The following DLGAP4 variants were observed in gnomAD, a reference collection of about 807,000 sequenced individuals.
DLGAP4 encodes the protein DLG associated protein 4, also known as disks large-associated protein 4.
A neutral mutation model predicts 86.9 loss-of-function variants in DLGAP4; 18 were observed. The ratio of observed to expected loss-of-function variants is 0.21; its 90% CI spans 0.14 to 0.31. The LOEUF is 0.31. Ranked by LOEUF, DLGAP4 falls within the 10% of genes least tolerant of loss-of-function variation. DLGAP4 has a pLI of 1.00. For missense variants in DLGAP4, 1,085 were observed against 1,362.6 expected, an observed-to-expected ratio of 0.80 and a Z score of 3.21; for synonymous variants, 548 against 574.3, an observed-to-expected ratio of 0.95 and a Z score of 0.65.
intron 2 of DLGAP4, among the ~76,000 whole-genome samples, chr20:36,419,548 T>C (rs1396375891): frequency 6.6e-6 from 1 of 152,154 alleles, no homozygotes; most frequent in East Asian, 1.9e-4. Flanking sequence ...TCAGGGTCTT[T>C]CATGAGATGC....
At chr20:36,497,995 G>GCC (rs910737923) in intron 8 of DLGAP4, 1 of 152,334 alleles carries the variant, frequency 6.6e-6, no homozygotes, top group East Asian at 1.9e-4. Flanking sequence ...GGGAGACAGG[G>GCC]CCCCCCCAAG....
chr20:36,495,305 GTTTCTACAGTCC>G (rs1334139419), intron 7 of DLGAP4, among the ~76,000 whole-genome samples: 2 of 152,140 alleles, frequency 1.3e-5, no homozygotes, highest in African/African-American at 4.8e-5. Flanking sequence ...CAGATGGATG[GTTTCTACAGTCC>G]TTTGTCCACA....
intron 5 of DLGAP4, among the ~76,000 whole-genome samples, chr20:36,440,940 A>G (rs972243049): frequency 2.6e-5 from 4 of 152,032 alleles, no homozygotes; most frequent in Admixed American, 6.6e-5. Flanking sequence ...TCACAACTCC[A>G]TTATTCCTGG....
At chr20:36,436,892 C>G (rs1482281408) in intron 4 of DLGAP4, among the ~76,000 whole-genome samples, 2 of 152,168 alleles carry the variant, frequency 1.3e-5, no homozygotes, top group African/African-American at 4.8e-5. Flanking sequence ...TTTCTCCCCA[C>G]TTCGGGTGAG....
chr20:36,414,944 G>A (rs963413276), intron 2 of DLGAP4, among the ~76,000 whole-genome samples: 2 of 152,186 alleles, frequency 1.3e-5, no homozygotes, highest in Admixed American at 1.3e-4. Context: ...TCACAGCCCA[G>A]AACATACCCA....
rs1192307388 is a variant in DLGAP4 at position 36,362,023 on chromosome 20, G to A, written c.-303-5022G>A. On this transcript the variant is annotated intron_variant, in intron 1 of 12. Transcript: ENST00000339266. ...AAGATAGGACATTGCCAGCCATGGT[G>A]GCTCACACCTGTAATCCCAGCACTT... 2.0e-5 allele frequency among the ~76,000 whole-genome samples: 3 copies of A among 151,010 alleles called. No homozygotes were observed. In the East Asian group the frequency reaches 5.8e-4, roughly 29 times the overall value.
At chr20:36,340,608 A>G (rs2065369829) in intron 1 of DLGAP4, among the ~76,000 whole-genome samples, 1 of 152,114 alleles carries the variant, frequency 6.6e-6, no homozygotes, top group Non-Finnish European at 1.5e-5. Context: ...AAATGGCCAC[A>G]TCAGATCAGC....
At chr20:36,524,740 TAAAAATACA>T (rs2037601433) in intron 11 of DLGAP4, among the ~76,000 whole-genome samples, 1 of 151,554 alleles carries the variant, frequency 6.6e-6, no homozygotes, top group Admixed American at 6.6e-5. Flanking sequence ...CTGTCTCTAC[TAAAAATACA>T]AAATTAGCTG....
intron 10 of DLGAP4, among the ~76,000 whole-genome samples, chr20:36,501,064 C>CTTT (rs11480703): frequency 0.013 from 1,757 of 138,100 alleles, 55 homozygotes; most frequent in African/African-American, 0.046. Flanking sequence ...CCTTCAACAA[C>CTTT]TTTTTTTTTT....
intron 4 of DLGAP4, 144 bp from the exon 5 acceptor site, chr20:36,439,610 C>T (rs2033386812): frequency 3.0e-6 from 2 of 675,896 alleles, no homozygotes; most frequent in Non-Finnish European, 5.2e-6. Context: ...TTTAAACAGT[C>T]AAATACAAGC....
intron 1 of DLGAP4, among the ~76,000 whole-genome samples, chr20:36,317,950 G>A (rs2065125233): frequency 6.6e-6 from 1 of 152,066 alleles, no homozygotes; most frequent in Non-Finnish European, 1.5e-5. Context: ...GCCCAGCCTG[G>A]GAGCATGGCC....
At chr20:36,477,768 A>G (rs146399849) in intron 7 of DLGAP4, among the ~76,000 whole-genome samples, 4 of 152,328 alleles carry the variant, frequency 2.6e-5, no homozygotes, top group Non-Finnish European at 4.4e-5. Context: ...AGTTTTGAGA[A>G]TCCTAGCACA....
At chr20:36,489,193 C>T (rs963077150) in intron 7 of DLGAP4, among the ~76,000 whole-genome samples, 3 of 152,138 alleles carry the variant, frequency 2.0e-5, no homozygotes, top group South Asian at 2.1e-4. Flanking sequence ...TTGTGTGTAG[C>T]GGGCACATGT....
intron 7 of DLGAP4, among the ~76,000 whole-genome samples, chr20:36,486,467 C>T (rs920736967): frequency 2.0e-5 from 3 of 151,690 alleles, no homozygotes; most frequent in Admixed American, 6.6e-5. Context: ...CATGGCAGGT[C>T]CAAAGGCCCC....
chr20:36,526,132 A>C (rs2037742868), intron 12 of DLGAP4, 126 bp downstream of exon 12: 11 of 1,382,290 alleles, frequency 8.0e-6, no homozygotes, highest in Middle Eastern at 2.4e-4. Flanking sequence ...GGGGTCTCAC[A>C]TCCATCACTG....
intron 7 of DLGAP4, among the ~76,000 whole-genome samples, chr20:36,464,850 CA>C (rs745819855): frequency 2.6e-3 from 336 of 128,770 alleles, no homozygotes; most frequent in Non-Finnish European, 2.2e-3. Context: ...AACTCTGTCT[CA>C]AAAAAAAAAA....
intron 10 of DLGAP4, among the ~76,000 whole-genome samples, chr20:36,519,985 G>A (rs2037278609): frequency 6.6e-6 from 1 of 150,646 alleles, no homozygotes; most frequent in South Asian, 2.1e-4. Context: ...TGGTAGAGAA[G>A]AGGTCTCACT....
chr20:36,457,888 C>T (rs897365323), intron 7 of DLGAP4, among the ~76,000 whole-genome samples: 1 of 152,046 alleles, frequency 6.6e-6, no homozygotes, highest in African/African-American at 2.4e-5. Flanking sequence ...TCCACCCCAC[C>T]TCCCAAAGTG....
chr20:36,492,670 G>A (rs1213251924), intron 7 of DLGAP4: 1 of 152,156 alleles, frequency 6.6e-6, no homozygotes, highest in African/African-American at 2.4e-5. Flanking sequence ...CCCCACAGAT[G>A]GGAACAAGGA....
Sources: gnomAD v4.1 joint callset for allele counts (sites outside exome capture counted in the v4.1 genomes callset) on GRCh38, gnomAD v4.1.1 for gene constraint, MANE v1.5 for transcripts, NCBI Gene and HGNC (gene_info 2026-07-23, HGNC 2026-07-21) for gene names.